GTF2IRD2B: variants seen among roughly 807,000 people sequenced by gnomAD.
GTF2IRD2B encodes GTF2I repeat domain containing 2B.
In GTF2IRD2B, 10 loss-of-function variants were observed where a neutral mutation model predicts 55.6. The observed-to-expected ratio is 0.18, with a 90% CI of 0.11 to 0.31. The LOEUF (loss-of-function observed/expected upper bound fraction) is 0.31, where lower values mean the gene tolerates loss of function less well. Ranked by LOEUF, GTF2IRD2B falls within the 10% of genes least tolerant of loss-of-function variation. The probability of loss-of-function intolerance (pLI) is 1.00; values close to 1 mark genes in which losing one functional copy is unlikely to be tolerated. For missense variants in GTF2IRD2B, 206 were observed against 802.7 expected (o/e 0.26, Z 8.98); for synonymous variants, 107 against 320.5 (o/e 0.33, Z 7.12).
In GTF2IRD2B at chr7:75,092,621, A is replaced by C. The variant is rs1807276993; in HGVS notation, c.-150A>C. On this transcript the variant is annotated 5_prime_UTR_variant, in exon 1 of 16. Coordinates refer to ENST00000472837, the MANE Select transcript of GTF2IRD2B (RefSeq NM_001003795.3). ...AGAAAAAGGAGGGCGAGTGGCGAGC[A>C]GGGGCCTCGGCCGCCACCCACACGC... 6.5e-6 allele frequency: 1 copy of C among 153,274 alleles called. No homozygotes were observed. Among genetic ancestry groups the C allele is most frequent in the African/African-American group, 2.4e-5 (1 of 41,490 alleles). The allele number at this position is 153,274 out of a possible 1,614,324, so 9.5% of individuals were successfully genotyped here. A position where few individuals can be genotyped will look rare whatever the true frequency, so the allele number is the denominator to read the frequency against.
At position 75,149,435 on chromosome 7, in the gene GTF2IRD2B, C is replaced by T. The variant is rs1809263372; in HGVS notation, c.*138C>T. 3.0e-5 allele frequency: 19 copies of T among 643,052 alleles called. No homozygotes were observed. The highest frequency in any genetic ancestry group is 5.3e-5 in the Non-Finnish European group (19 of 356,424). 39.8% of individuals were successfully genotyped at this position (643,052 alleles called of 1,614,324 possible). ...TTGCTCTGTCGCCCAGGTTGGAGTG[C>T]AGTGGCGTGATCTCGGCTTACTGCA... On this transcript the variant is annotated 3_prime_UTR_variant, in exon 16 of 16. Transcript: ENST00000472837.
At chr7:75,134,083 A>G in intron 9 of GTF2IRD2B, among the ~76,000 whole-genome samples, 1 of 138,614 alleles carries the variant, frequency 7.2e-6, no homozygotes, top group East Asian at 1.9e-4. Context: ...ATTCTTCCAA[A>G]AAAAAAAAAA....
At chr7:75,123,344 C>G (rs1158211249) in intron 5 of GTF2IRD2B, 25 bp downstream of exon 5, 1 of 795,534 alleles carries the variant, frequency 1.3e-6, no homozygotes, top group Admixed American at 3.3e-5. Context: ...ACCCCCGCCC[C>G]TTCAGTTCAT....
At chr7:75,093,062 G>T (rs1268911000) in intron 1 of GTF2IRD2B, among the ~76,000 whole-genome samples, 1 of 152,304 alleles carries the variant, frequency 6.6e-6, no homozygotes, top group Non-Finnish European at 1.5e-5. Flanking sequence ...TGTGCGTGAT[G>T]CCACGCTCCG....
chr7:75,122,936 G>C (rs1808427735), intron 4 of GTF2IRD2B, among the ~76,000 whole-genome samples, 200 bp from the exon 5 acceptor site: 1 of 149,964 alleles, frequency 6.7e-6, no homozygotes, highest in Non-Finnish European at 1.5e-5. Context: ...TGTAGTCCCA[G>C]CTACTCGGGA....
At chr7:75,104,103 C>T (rs1229789494) in intron 1 of GTF2IRD2B, among the ~76,000 whole-genome samples, 1 of 134,054 alleles carries the variant, frequency 7.5e-6, no homozygotes, top group African/African-American at 2.8e-5. Context: ...AGGGGTGCCC[C>T]TTGGGCTGTT....
intron 10 of GTF2IRD2B, among the ~76,000 whole-genome samples, chr7:75,136,433 T>C (rs1442767519): frequency 6.8e-6 from 1 of 146,262 alleles, no homozygotes; most frequent in Admixed American, 6.8e-5. Flanking sequence ...CCTGAGTAGC[T>C]GGGATTACAG....
chr7:75,102,627 C>A (rs1206178506), intron 1 of GTF2IRD2B, among the ~76,000 whole-genome samples: 1 of 151,596 alleles, frequency 6.6e-6, no homozygotes, highest in South Asian at 2.1e-4. Flanking sequence ...CCACTGCACT[C>A]CAGCCTGGGT....
At position 75,114,054 on chromosome 7, in the gene GTF2IRD2B, TTA is replaced by T. The variant is rs1422971687; in HGVS notation, c.238+1531_238+1532del. 1.1e-4 allele frequency among the ~76,000 whole-genome samples: 16 copies of T among 148,030 alleles called. No homozygotes were observed. The South Asian group carries it at 2.6e-3, about 24-fold the overall frequency. On this transcript the variant is annotated intron_variant, in intron 3 of 15. Coordinates refer to ENST00000472837, the MANE Select transcript of GTF2IRD2B (RefSeq NM_001003795.3). ...GATGGATAGATAAGGGAGACAGGAA[TTA>T]TATATATATATGTATATAGATAGAT... is the stretch of plus-strand genomic sequence containing the variant.
rs1584534693 is a variant in GTF2IRD2B at position 75,118,048 on chromosome 7, A to G, written c.239-2843A>G. 2.1e-5 allele frequency among the ~76,000 whole-genome samples: 3 copies of G among 140,596 alleles called. No homozygotes were observed. The South Asian group carries it at 6.4e-4, about 30-fold the overall frequency. The allele number at this position is 140,596 out of a possible 152,430, so 92.2% of individuals were successfully genotyped here. A position where few individuals can be genotyped will look rare whatever the true frequency, so the allele number is the denominator to read the frequency against. ...CAGTGAGCCAAGATCGTGCCATTGC[A>G]CTCCAGCCTGGGTGACAGAGCAAGA... On this transcript the variant is annotated intron_variant, in intron 3 of 15. Transcript: ENST00000472837.
At chr7:75,114,391 A>G (rs1808073076) in intron 3 of GTF2IRD2B, among the ~76,000 whole-genome samples, 1 of 151,262 alleles carries the variant, frequency 6.6e-6, no homozygotes, top group Non-Finnish European at 1.5e-5. Flanking sequence ...TCATCTTGTA[A>G]TGAAACTGTT....
chr7:75,104,376 C>G (rs1554421492), intron 1 of GTF2IRD2B, among the ~76,000 whole-genome samples: 371 of 152,216 alleles, frequency 2.4e-3, no homozygotes, highest in African/African-American at 8.0e-3. Flanking sequence ...GCCTCAGCCT[C>G]CAAAAGTGTT....
rs1554451787 is a variant in GTF2IRD2B at position 75,120,148 on chromosome 7, G to T, written c.239-743G>T. The stretch of plus-strand genomic sequence containing the variant: ...TGTCTCAAAAAAAAAAAAGAAGAAA[G>T]AAAGAAAACTATACTTGTGCCCCTT... On this transcript the variant is annotated intron_variant, in intron 3 of 15. Coordinates refer to ENST00000472837, the MANE Select transcript of GTF2IRD2B (RefSeq NM_001003795.3). Among the ~76,000 whole-genome samples, 3 of 101,202 alleles carry T rather than the reference G, an allele frequency of 3.0e-5. 1 individual carries two copies. Among genetic ancestry groups the T allele is most frequent in the Non-Finnish European group, 5.8e-5 (3 of 51,962 alleles). The allele number at this position is 101,202 out of a possible 152,430, so 66.4% of individuals were successfully genotyped here. A position where few individuals can be genotyped will look rare whatever the true frequency, so the allele number is the denominator to read the frequency against.
rs587628734 is a variant in GTF2IRD2B at position 75,112,257 on chromosome 7, G to C, written c.100-140G>C. ...TGCACTCCAGCCTGGGTGACAGAGC[G>C]AGACTCCGTCTCAAAAATAAATAAA... is the stretch of plus-strand genomic sequence containing the variant. On this transcript the variant is annotated intron_variant, in intron 2 of 15. Coordinates refer to ENST00000472837, the MANE Select transcript of GTF2IRD2B (RefSeq NM_001003795.3). 337 of 161,102 alleles carry C rather than the reference G, an allele frequency of 2.1e-3. 14 individuals carry two copies. The African/African-American group carries it at 0.055, about 26-fold the overall frequency. 10.0% of individuals were successfully genotyped at this position (161,102 alleles called of 1,614,324 possible). A position where few individuals can be genotyped will look rare whatever the true frequency, so the allele number is the denominator to read the frequency against.
intron 3 of GTF2IRD2B, among the ~76,000 whole-genome samples, chr7:75,118,051 C>T (rs1808231075): frequency 6.9e-6 from 1 of 145,314 alleles, no homozygotes; most frequent in Non-Finnish European, 1.5e-5. Flanking sequence ...CCATTGCACT[C>T]CAGCCTGGGT....
intron 8 of GTF2IRD2B, among the ~76,000 whole-genome samples, chr7:75,132,284 G>A (rs1403613252): frequency 7.7e-5 from 10 of 129,564 alleles, no homozygotes; most frequent in Non-Finnish European, 1.1e-4. Context: ...ACTTGAACCT[G>A]GGAGGTGGAT....
At chr7:75,119,191 CAAAAAAAAAAAAAAAAAAAA>C (rs71229657) in intron 3 of GTF2IRD2B, among the ~76,000 whole-genome samples, 3 of 5,128 alleles carry the variant, frequency 5.9e-4, no homozygotes, top group Non-Finnish European at 7.8e-4. Flanking sequence ...AAGACTCTCT[CAAAAAAAAAAAAAAAAAAAA>C]AAAAAAAAAA....
At chr7:75,143,402 C>G in intron 14 of GTF2IRD2B, among the ~76,000 whole-genome samples, 1 of 57,274 alleles carries the variant, frequency 1.7e-5, no homozygotes. Flanking sequence ...TGGTACGTGC[C>G]TGTAATCCCA....
chr7:75,119,191 CAAAAAAAAAAAAAAAAAA>C (rs71229657), intron 3 of GTF2IRD2B, among the ~76,000 whole-genome samples: 1 of 5,124 alleles, frequency 2.0e-4, no homozygotes, highest in African/African-American at 1.5e-3. Context: ...AAGACTCTCT[CAAAAAAAAAAAAAAAAAA>C]AAAAAAAAAA....
Sources: allele counts gnomAD v4.1 joint callset (sites outside exome capture counted in the v4.1 genomes callset), GRCh38; gene constraint gnomAD v4.1.1; transcripts MANE v1.5; gene names NCBI Gene and HGNC (gene_info 2026-07-23, HGNC 2026-07-21).